PPP4R3A: variants seen among roughly 807,000 people sequenced by gnomAD.
The protein encoded by PPP4R3A is protein phosphatase 4 regulatory subunit 3A.
In PPP4R3A, 15 loss-of-function variants were observed where a neutral mutation model predicts 91.7. The observed-to-expected ratio is 0.16, with a 90% CI of 0.11 to 0.25. The LOEUF is 0.25. Ranked by LOEUF, PPP4R3A falls within the 10% of genes least tolerant of loss-of-function variation. PPP4R3A has a pLI of 1.00. For synonymous variants in PPP4R3A, 377 were observed against 348.7 expected (o/e 1.08, Z -0.91); for missense variants, 623 against 998.4 (o/e 0.62, Z 5.07).
At chr14:91,466,838 T>C (rs1197904605) in intron 10 of PPP4R3A, among the ~76,000 whole-genome samples, 1 of 152,146 alleles carries the variant, frequency 6.6e-6, no homozygotes, top group African/African-American at 2.4e-5. Context: ...CTCATGCTAA[T>C]AGACCACATT....
intron 3 of PPP4R3A, among the ~76,000 whole-genome samples, chr14:91,483,582 T>C (rs1889700497): frequency 6.6e-6 from 1 of 152,198 alleles, no homozygotes; most frequent in African/African-American, 2.4e-5. Flanking sequence ...GGAGTGCCCT[T>C]ATTATATTAA....
At chr14:91,468,880 T>C (rs1324803354) in intron 10 of PPP4R3A, among the ~76,000 whole-genome samples, 1 of 151,936 alleles carries the variant, frequency 6.6e-6, no homozygotes, top group Non-Finnish European at 1.5e-5. Flanking sequence ...ATTTCCACTA[T>C]GCATCCAAAC....
intron 14 of PPP4R3A, 33 bp downstream of exon 14, chr14:91,461,348 A>C (rs776111083): frequency 6.3e-7 from 1 of 1,582,974 alleles, no homozygotes; most frequent in Non-Finnish European, 8.7e-7. Context: ...TCAATTGGGA[A>C]AAAAGGGGGC....
intron 1 of PPP4R3A, among the ~76,000 whole-genome samples, chr14:91,503,285 C>T (rs910418675): frequency 1.8e-4 from 24 of 132,918 alleles, no homozygotes; most frequent in African/African-American, 2.0e-4. Flanking sequence ...CCACTGTGCC[C>T]GAGCTACATT....
chr14:91,486,094 G>C (rs757629392), intron 2 of PPP4R3A, among the ~76,000 whole-genome samples: 1 of 152,164 alleles, frequency 6.6e-6, no homozygotes, highest in South Asian at 2.1e-4. Flanking sequence ...AAAATAGCTA[G>C]GGCATGTTAG....
chr14:91,505,132 T>A (rs1335350823), intron 1 of PPP4R3A, among the ~76,000 whole-genome samples: 1 of 152,134 alleles, frequency 6.6e-6, no homozygotes, highest in African/African-American at 2.4e-5. Flanking sequence ...GGACATGTTG[T>A]CATCCTTTCT....
Position 91,490,775 on chromosome 14 carries a change from T to C in PPP4R3A, c.170A>G (p.Asn57Ser). The change falls in exon 2 of 15, where the codon AAT becomes AGT. Residue 57 changes from asparagine (N) to serine (S), a missense_variant. Asn to Ser is a conservative substitution (Grantham distance 46). Coordinates refer to ENST00000554943, the MANE Select transcript of PPP4R3A (RefSeq NM_001366432.2). ...TTGTTTCTGGTATGCAGTGTTAGGA[T>C]TTATTTTCGACTCTAAAAGTAGAGA... The part of the protein sequence containing the change: ...DGSLLLESKI[N>S]PNTAYQKQQD... 6.2e-7 allele frequency: 1 copy of C among 1,610,184 alleles called. No individual in the cohort carries two copies. Among genetic ancestry groups the C allele is most frequent in the Non-Finnish European group, 8.5e-7 (1 of 1,178,830 alleles).
chr14:91,472,065 C>CAAAAA (rs549919322), intron 9 of PPP4R3A, among the ~76,000 whole-genome samples: 16 of 70,268 alleles, frequency 2.3e-4, no homozygotes, highest in African/African-American at 7.3e-4. Context: ...ATTCTGTCTC[C>CAAAAA]AAAAAAAAAA....
intron 10 of PPP4R3A, among the ~76,000 whole-genome samples, chr14:91,469,550 T>A (rs1225687801): frequency 1.3e-5 from 2 of 152,252 alleles, no homozygotes; most frequent in Non-Finnish European, 2.9e-5. Flanking sequence ...GCAATGTTGC[T>A]TTTATAAAAT....
At chr14:91,490,121 C>G (rs1407946601) in intron 2 of PPP4R3A, among the ~76,000 whole-genome samples, 3 of 152,214 alleles carry the variant, frequency 2.0e-5, no homozygotes, top group Non-Finnish European at 4.4e-5. Context: ...TCCTGTGTGT[C>G]TGTGTGGGTG....
intron 1 of PPP4R3A, among the ~76,000 whole-genome samples, chr14:91,499,033 C>T (rs1890772767): frequency 6.6e-6 from 1 of 151,894 alleles, no homozygotes; most frequent in Non-Finnish European, 1.5e-5. Flanking sequence ...GATCTGCCCC[C>T]GCCCTGGCCT....
At chr14:91,465,527 A>G in intron 10 of PPP4R3A, 108 bp from the exon 11 acceptor site, 1 of 929,774 alleles carries the variant, frequency 1.1e-6, no homozygotes, top group Non-Finnish European at 1.5e-6. Flanking sequence ...AACACATATC[A>G]ATAATTATTT....
At chr14:91,507,432 TA>T (rs1273860568) in intron 1 of PPP4R3A, among the ~76,000 whole-genome samples, 9 of 136,200 alleles carry the variant, frequency 6.6e-5, no homozygotes, top group Non-Finnish European at 1.2e-4. Flanking sequence ...ATATATACTA[TA>T]ATTATATATA....
In PPP4R3A at chr14:91,491,361, C is replaced by T. The variant is rs1028942344; in HGVS notation, c.143-559G>A. Among the ~76,000 whole-genome samples, 11 of 152,166 alleles carry T rather than the reference C, an allele frequency of 7.2e-5. No homozygotes were observed. In the East Asian group the frequency reaches 2.1e-3, roughly 29 times the overall value. On this transcript the variant is annotated intron_variant, in intron 1 of 14. Transcript: ENST00000554943. ...TGCAGGTGCAAGCCACTGTGCCCGA[C>T]CATATTTCCTTTTCTGAACATTTGA...
intron 1 of PPP4R3A, among the ~76,000 whole-genome samples, chr14:91,496,372 T>C (rs191318984): frequency 2.0e-3 from 310 of 152,300 alleles, no homozygotes; most frequent in South Asian, 5.0e-3. Flanking sequence ...TTATTCAAGT[T>C]GTGCTTTCAA....
chr14:91,509,379 C>G, intron 1 of PPP4R3A, 127 bp downstream of exon 1: 1 of 1,370,572 alleles, frequency 7.3e-7, no homozygotes, highest in Admixed American at 2.2e-5. Flanking sequence ...CGTCCTCCCC[C>G]GAGGTGGCCG....
chr14:91,504,129 C>T (rs56129603), intron 1 of PPP4R3A, among the ~76,000 whole-genome samples: 65,882 of 149,966 alleles, frequency 0.44, 14,844 homozygotes, highest in Admixed American at 0.47. Flanking sequence ...CCAGCCTGGG[C>T]GACAAAGTAA....
intron 1 of PPP4R3A, 81 bp from the exon 2 acceptor site, chr14:91,490,883 T>TA (rs35564814): frequency 0.055 from 27,708 of 504,466 alleles, 520 homozygotes; most frequent in Admixed American, 0.096. Flanking sequence ...CATATTTCCT[T>TA]AAAAAAAATA....
intron 14 of PPP4R3A, 108 bp from the exon 15 acceptor site, chr14:91,458,977 GT>G: frequency 7.8e-7 from 1 of 1,277,278 alleles, no homozygotes; most frequent in Non-Finnish European, 1.1e-6. Context: ...AGTAACGGTG[GT>G]TATTTCTGGG....
Sources: allele counts gnomAD v4.1 joint callset (sites outside exome capture counted in the v4.1 genomes callset), GRCh38; gene constraint gnomAD v4.1.1; transcripts MANE v1.5; gene names NCBI Gene and HGNC (gene_info 2026-07-23, HGNC 2026-07-21).